The following TRAPPC12 variants were observed in gnomAD, a reference collection of about 807,000 sequenced individuals.
The protein encoded by TRAPPC12 is trafficking protein particle complex subunit 12.
Under a neutral mutation model 69.2 loss-of-function variants are expected in TRAPPC12, and 61 were observed. That is an observed-to-expected ratio of 0.88 (90% CI 0.72 to 1.09). The LOEUF (loss-of-function observed/expected upper bound fraction) is 1.09. Ranked by LOEUF, TRAPPC12 falls within the 50% of genes least tolerant of loss-of-function variation. The pLI is 0.00. For missense variants in TRAPPC12, 1,101 were observed against 1,016.4 expected, an observed-to-expected ratio of 1.08 and a Z score of -1.13; for synonymous variants, 469 against 438.9, an observed-to-expected ratio of 1.07 and a Z score of -0.86.
intron 9 of TRAPPC12, among the ~76,000 whole-genome samples, chr2:3,469,901 G>A (rs906740548): frequency 2.6e-5 from 4 of 152,172 alleles, no homozygotes; most frequent in African/African-American, 7.2e-5. Flanking sequence ...AGCTAAACGC[G>A]CGTGGAATAA....
At position 3,394,349 on chromosome 2, in the gene TRAPPC12, A is replaced by G. The variant is rs1229051841; in HGVS notation, c.1047+5679A>G. ...TACTAGAAGAAGGGGAGGGCCGGGC[A>G]TGGTGGCTCACACCTGTAATCCCAG... On this transcript the variant is annotated intron_variant, in intron 2 of 11. Coordinates refer to ENST00000324266, the MANE Select transcript of TRAPPC12 (RefSeq NM_016030.6). 3.9e-5 allele frequency among the ~76,000 whole-genome samples: 6 copies of G among 152,330 alleles called. No homozygotes were observed. The East Asian group carries it at 1.2e-3, about 29-fold the overall frequency.
At chr2:3,426,152 T>C (rs964387386) in intron 5 of TRAPPC12, among the ~76,000 whole-genome samples, 2 of 152,222 alleles carry the variant, frequency 1.3e-5, no homozygotes, top group Admixed American at 6.5e-5. Flanking sequence ...TTAGTCTCAC[T>C]GGTATTAAAA....
At chr2:3,384,794 T>C (rs1660418956) in intron 1 of TRAPPC12, among the ~76,000 whole-genome samples, 1 of 152,236 alleles carries the variant, frequency 6.6e-6, no homozygotes, top group African/African-American at 2.4e-5. Flanking sequence ...CATGTGTCTT[T>C]TTTCTTCTCT....
intron 1 of TRAPPC12, among the ~76,000 whole-genome samples, chr2:3,386,100 G>A (rs1015762529): frequency 2.6e-5 from 4 of 152,170 alleles, no homozygotes; most frequent in African/African-American, 4.8e-5. Flanking sequence ...GTATAACTTG[G>A]ATTATGTACT....
intron 9 of TRAPPC12, among the ~76,000 whole-genome samples, chr2:3,477,401 T>G (rs1333943103): frequency 6.6e-6 from 1 of 152,274 alleles, no homozygotes; most frequent in Non-Finnish European, 1.5e-5. Context: ...TTTTATTTTA[T>G]CTAATGCTCT....
intron 7 of TRAPPC12, 169 bp downstream of exon 7, chr2:3,457,862 C>T (rs1572191023): frequency 6.9e-7 from 1 of 1,440,956 alleles, no homozygotes. Context: ...AAGCACATCA[C>T]TGGGTGATGC....
chr2:3,442,831 T>G (rs529976516), intron 5 of TRAPPC12, among the ~76,000 whole-genome samples: 1 of 152,358 alleles, frequency 6.6e-6, no homozygotes, highest in African/African-American at 2.4e-5. Flanking sequence ...ACGCGTGTTT[T>G]CTCACCATCT....
chr2:3,383,497 C>T (rs954208935), intron 1 of TRAPPC12, among the ~76,000 whole-genome samples: 1 of 150,122 alleles, frequency 6.7e-6, no homozygotes, highest in Non-Finnish European at 1.5e-5. Context: ...CTCCTGGGTT[C>T]AAGCGATTCT....
At chr2:3,457,896 G>C in intron 7 of TRAPPC12, 2 of 1,423,224 alleles carry the variant, frequency 1.4e-6, no homozygotes, top group African/African-American at 2.9e-5. Context: ...TGCAGCCTCA[G>C]ACCCGAACCC....
intron 5 of TRAPPC12, among the ~76,000 whole-genome samples, chr2:3,425,431 C>T (rs1223507754): frequency 6.6e-6 from 1 of 152,180 alleles, no homozygotes; most frequent in African/African-American, 2.4e-5. Flanking sequence ...CCCATTGAAT[C>T]GCGTAGCCTT....
chr2:3,388,167 T>C lies in TRAPPC12; in HGVS notation c.544T>C (p.Ser182Pro). The part of the protein sequence containing the change: ...GDGFEPQMVK[S>P]PSFGGASEAS... ...CGGCTTCGAGCCGCAGATGGTGAAG[T>C]CGCCCAGCTTCGGTGGCGCCAGCGA... is the stretch of plus-strand genomic sequence containing the variant. Residue 182 changes from serine (S) to proline (P), a missense_variant, in exon 2 of 12, where the codon TCG becomes CCG. By Grantham distance (74) the Ser-to-Pro change is moderately conservative (BLOSUM62 -1). Transcript: ENST00000324266. 1.1e-5 allele frequency: 17 copies of C among 1,607,606 alleles called. No individual in the cohort carries two copies. The highest frequency in any genetic ancestry group is 1.4e-5 in the Non-Finnish European group (16 of 1,177,364).
chr2:3,409,621 G>A (rs943363474), intron 3 of TRAPPC12, among the ~76,000 whole-genome samples: 8 of 151,760 alleles, frequency 5.3e-5, no homozygotes, highest in African/African-American at 1.7e-4. Context: ...GTGGTGGCAC[G>A]CACCTGTAGT....
intron 2 of TRAPPC12, among the ~76,000 whole-genome samples, chr2:3,399,633 T>C (rs6738333): frequency 0.63 from 95,230 of 152,102 alleles, 30,320 homozygotes; most frequent in African/African-American, 0.74. Context: ...TGATCTCTCC[T>C]GGTAGAAGGG....
intron 1 of TRAPPC12, 29 bp from the exon 2 acceptor site, chr2:3,387,591 A>T: frequency 6.7e-7 from 1 of 1,484,754 alleles, no homozygotes; most frequent in East Asian, 2.5e-5. Flanking sequence ...GATCACGCTC[A>T]GGGGCCTTCT....
At chr2:3,402,449 C>T (rs755119493) in intron 3 of TRAPPC12, among the ~76,000 whole-genome samples, 5 of 152,014 alleles carry the variant, frequency 3.3e-5, no homozygotes, top group Admixed American at 6.6e-5. Flanking sequence ...ATTAGCTGGG[C>T]ATGGTGGTGC....
At chr2:3,418,686 G>C (rs762595123) in intron 3 of TRAPPC12, among the ~76,000 whole-genome samples, 7 of 152,122 alleles carry the variant, frequency 4.6e-5, no homozygotes, top group African/African-American at 1.4e-4. Flanking sequence ...CAGGCAGTAG[G>C]GGGTGGGGGG....
rs1662288473 is a variant in TRAPPC12, at chr2:3,414,969, G to T, written c.1165-6912G>T. ...GCACAGCAACCTTTCAGCTGTGGTTGGTTGAATCCACGCGTGTGGAACCTG... is the reference window on the plus strand; with the variant it reads ...GCACAGCAACCTTTCAGCTGTGGTTTGTTGAATCCACGCGTGTGGAACCTG... On this transcript the variant is annotated intron_variant, in intron 3 of 11. Coordinates refer to ENST00000324266, the MANE Select transcript of TRAPPC12 (RefSeq NM_016030.6). The surrounding 1 kb of genome is among the most constrained non-coding windows in gnomAD (Gnocchi z 4.9). 6.6e-6 allele frequency among the ~76,000 whole-genome samples: 1 copy of T among 152,182 alleles called. No homozygotes were observed. The highest frequency in any genetic ancestry group is 1.5e-5 in the Non-Finnish European group (1 of 68,036).
intron 9 of TRAPPC12, among the ~76,000 whole-genome samples, chr2:3,466,653 C>T (rs73910538): frequency 0.021 from 3,194 of 152,240 alleles, 121 homozygotes; most frequent in African/African-American, 0.072. Flanking sequence ...ATCTCCTGCA[C>T]GCCGCCTGCT....
Position 3,441,567 on chromosome 2 carries a change from C to G in TRAPPC12, c.1418-2212C>G, listed in dbSNP as rs1383335358. Among the ~76,000 whole-genome samples the G allele has an allele frequency of 2.7e-5, 4 of 150,522 alleles. No homozygotes were observed. The South Asian group carries it at 6.3e-4, about 24-fold the overall frequency. On this transcript the variant is annotated intron_variant, in intron 5 of 11. Transcript: ENST00000324266. ...ATGTTTTTGGTTTGGTTGATTTTGT[C>G]TATTGATTTCCTGTTTTCAGTTTCA...
Sources: gnomAD v4.1 joint callset for allele counts (sites outside exome capture counted in the v4.1 genomes callset) on GRCh38, gnomAD v4.1.1 for gene constraint, Gnocchi (gnomAD v3.1) non-coding constraint, MANE v1.5 for transcripts, NCBI Gene and HGNC (gene_info 2026-07-23, HGNC 2026-07-21) for gene names.